Variants in MAST3 observed in about 807,000 individuals in gnomAD.
MAST3 encodes the protein microtubule-associated serine/threonine-protein kinase 3.
Under a neutral mutation model 127.0 loss-of-function variants are expected in MAST3, and 43 were observed. The observed-to-expected ratio is 0.34, with a 90% CI of 0.27 to 0.44. The LOEUF is 0.44. Among genes scored for constraint, MAST3 ranks in the 20% least tolerant of loss-of-function variants. The probability of loss-of-function intolerance (pLI) is 1.00; values close to 1 mark genes in which losing one functional copy is unlikely to be tolerated. For missense variants in MAST3, 1,390 were observed against 1,919.1 expected, an observed-to-expected ratio of 0.72 and a Z score of 5.15; for synonymous variants, 785 against 809.2, an observed-to-expected ratio of 0.97 and a Z score of 0.51.
intron 26 of MAST3, among the ~76,000 whole-genome samples, 199 bp downstream of exon 26, chr19:18,147,243 A>G (rs942854358): frequency 6.6e-6 from 1 of 151,424 alleles, no homozygotes; most frequent in Non-Finnish European, 1.5e-5. Context: ...AACTGGGACT[A>G]CGGCGTGCAC....
At chr19:18,103,349 C>G (rs1000341555) in intron 1 of MAST3, among the ~76,000 whole-genome samples, 2 of 152,008 alleles carry the variant, frequency 1.3e-5, no homozygotes, top group African/African-American at 4.8e-5. Context: ...ACCAGCCAGA[C>G]CAACATGGTG....
Position 18,147,035 on chromosome 19 carries a change from C to A in MAST3, c.3317C>A (p.Thr1106Asn). The change falls in exon 26 of 28, where the codon ACC becomes AAC. Residue 1106 changes from threonine (T) to asparagine (N), a missense_variant. Physicochemically the swap from Thr to Asn is moderately conservative, Grantham distance 65 (BLOSUM62 0). Transcript: ENST00000687212. ...ETQDRCAAVTTRERRKSLFKK... is the reference protein window; with the variant it reads ...ETQDRCAAVTNRERRKSLFKK... ...CAGGATCGGTGCGCGGCAGTGACCA[C>A]CAGGGAGCGGTACACAGGGGGCGGG... 6.4e-7 allele frequency: 1 copy of A among 1,566,910 alleles called. No individual in the cohort carries two copies. Among genetic ancestry groups the A allele is most frequent in the Non-Finnish European group, 8.7e-7 (1 of 1,155,938 alleles).
Position 18,110,135 on chromosome 19 carries a change from C to T in MAST3, c.72-517C>T, listed in dbSNP as rs1449068752. ...GCAGGTGCGGAGCTGCGATCCCCGC[C>T]CCGAGGCGGAGCCAGCCCGGCCCCC... is the stretch of plus-strand genomic sequence containing the variant. On this transcript the variant is annotated intron_variant, in intron 2 of 27. Coordinates refer to ENST00000687212, the MANE Select transcript of MAST3 (RefSeq NM_001393504.1). This position sits in a 1 kb window ranked among gnomAD's most constrained non-coding sequence, Gnocchi z 4.3. 1 of 985,282 alleles carries T rather than the reference C, an allele frequency of 1.0e-6. No individual in the cohort carries two copies. Among genetic ancestry groups the T allele is most frequent in the Non-Finnish European group, 1.2e-6 (1 of 829,950 alleles). 61.0% of individuals were successfully genotyped at this position (985,282 alleles called of 1,614,324 possible).
At chr19:18,133,394 T>G (rs984529834) in intron 15 of MAST3, among the ~76,000 whole-genome samples, 1 of 152,128 alleles carries the variant, frequency 6.6e-6, no homozygotes, top group Non-Finnish European at 1.5e-5. Context: ...TTTATTTATT[T>G]TTTGAGACAG....
chr19:18,135,702 C>CCCTCCCTCCCTCATTTTA (rs750340026), intron 17 of MAST3, 38 bp from the exon 18 acceptor site: 1 of 1,470,020 alleles, frequency 6.8e-7, no homozygotes, highest in Non-Finnish European at 9.4e-7. Flanking sequence ...CCTGCCTTCT[C>CCCTCCCTCCCTCATTTTA]CCTCCCTCCC....
At chr19:18,124,402 G>A (rs1453199276) in intron 10 of MAST3, 36 bp downstream of exon 10, 9 of 1,550,262 alleles carry the variant, frequency 5.8e-6, no homozygotes, top group Middle Eastern at 1.7e-4. Flanking sequence ...TTGGGGTCCA[G>A]GCAGAACTGA....
At chr19:18,147,400 G>C in intron 26 of MAST3, 43 bp from the exon 27 acceptor site, 1 of 1,584,060 alleles carries the variant, frequency 6.3e-7, no homozygotes, top group Non-Finnish European at 8.6e-7. Flanking sequence ...ACCATGCCTG[G>C]CCAGGAGCAG....
chr19:18,124,184 AG>A, intron 9 of MAST3, 36 bp downstream of exon 9: 1 of 1,595,278 alleles, frequency 6.3e-7, no homozygotes, highest in African/African-American at 1.3e-5. Flanking sequence ...TTTTGCATGC[AG>A]TGGGACGTGG....
rs747412279 is a variant in MAST3 at position 18,147,518 on chromosome 19, C to T, written c.3402C>T (p.Leu1134=). The T allele has an allele frequency of 6.2e-7, 1 of 1,611,794 alleles. No homozygotes were observed. The change falls in exon 27 of 28, where the codon CTC becomes CTT. Residue 1134 remains leucine (L), a synonymous_variant. Transcript: ENST00000687212. The part of the protein sequence containing the change: ...LHTSRSFSSG[L]HHSLSSSESL... ...CCAGCCGCAGCTTCTCCTCCGGACTCCACCACTCACTGTCATCCAGTGAGA... is the reference window on the plus strand; with the variant it reads ...CCAGCCGCAGCTTCTCCTCCGGACTTCACCACTCACTGTCATCCAGTGAGA...
chr19:18,099,667 CAGGCG>C (rs2037390286), intron 1 of MAST3, among the ~76,000 whole-genome samples: 1 of 152,216 alleles, frequency 6.6e-6, no homozygotes, highest in Non-Finnish European at 1.5e-5. Flanking sequence ...CAACCCAGCA[CAGGCG>C]TCCCTCCACG....
chr19:18,148,024 G>A (rs1395170905), intron 27 of MAST3, among the ~76,000 whole-genome samples: 3 of 151,682 alleles, frequency 2.0e-5, no homozygotes, highest in Non-Finnish European at 4.4e-5. Flanking sequence ...GTGTGAGGCC[G>A]GGCATGGAGG....
chr19:18,108,908 A>G (rs1191149950), intron 2 of MAST3, among the ~76,000 whole-genome samples: 2 of 152,134 alleles, frequency 1.3e-5, no homozygotes, highest in Non-Finnish European at 2.9e-5. Context: ...TGCTGAAGCC[A>G]GAGGGGATAC....
Position 18,097,780 on chromosome 19 carries a change from G to A in MAST3, c.-13G>A, listed in dbSNP as rs1173209042. On this transcript the variant is annotated 5_prime_UTR_variant, in exon 1 of 28. Coordinates refer to ENST00000687212, the MANE Select transcript of MAST3 (RefSeq NM_001393504.1). ...GGGCCGGGGGCGGGCCTGGCGGCGC[G>A]GACTCCCGGGCCATGGACGAGTCGA... is the stretch of plus-strand genomic sequence containing the variant. 28 of 1,215,306 alleles carry A rather than the reference G, an allele frequency of 2.3e-5. No homozygotes were observed. Among genetic ancestry groups the A allele is most frequent in the East Asian group, 6.6e-5 (2 of 30,358 alleles). 75.3% of individuals were successfully genotyped at this position (1,215,306 alleles called of 1,614,324 possible).
intron 1 of MAST3, among the ~76,000 whole-genome samples, chr19:18,103,801 G>A (rs2037844046): frequency 6.6e-6 from 1 of 152,144 alleles, no homozygotes; most frequent in African/African-American, 2.4e-5. Context: ...GCCAGACTGG[G>A]AACCTAGGAC....
At chr19:18,118,387 G>A (rs2039558198) in intron 3 of MAST3, 3 of 397,566 alleles carry the variant, frequency 7.5e-6, no homozygotes, top group African/African-American at 2.2e-5. Flanking sequence ...GGGGGAGGAC[G>A]CCTGTGGATC....
chr19:18,138,170 A>G (rs2042074133), intron 19 of MAST3, among the ~76,000 whole-genome samples: 1 of 150,302 alleles, frequency 6.7e-6, no homozygotes, highest in African/African-American at 2.4e-5. Context: ...AGATGGCACT[A>G]TTGCACTCCA....
intron 3 of MAST3, chr19:18,117,920 C>T (rs1441358278): frequency 6.1e-6 from 1 of 163,362 alleles, no homozygotes; most frequent in Admixed American, 6.6e-5. Flanking sequence ...GTCCGCCGGC[C>T]TCGCTTCCGC....
At chr19:18,100,506 G>C (rs2037502382) in intron 1 of MAST3, among the ~76,000 whole-genome samples, 1 of 152,082 alleles carries the variant, frequency 6.6e-6, no homozygotes, top group Non-Finnish European at 1.5e-5. Flanking sequence ...TAAAAATAAA[G>C]GTCCAAGTGG....
intron 3 of MAST3, among the ~76,000 whole-genome samples, chr19:18,114,944 A>AC (rs747463752): frequency 2.0e-5 from 3 of 151,934 alleles, no homozygotes; most frequent in Non-Finnish European, 4.4e-5. Flanking sequence ...CTAAAAAGGG[A>AC]CCGTTGAACG....
Sources: gnomAD v4.1 joint callset for allele counts (sites outside exome capture counted in the v4.1 genomes callset) on GRCh38, gnomAD v4.1.1 for gene constraint, Gnocchi (gnomAD v3.1) non-coding constraint, MANE v1.5 for transcripts, NCBI Gene and HGNC (gene_info 2026-07-23, HGNC 2026-07-21) for gene names.